SNTG1: variants seen among roughly 807,000 people sequenced by gnomAD.
SNTG1 encodes the protein syntrophin gamma 1, also known as gamma-1-syntrophin.
Under a neutral mutation model 74.7 loss-of-function variants are expected in SNTG1, and 39 were observed. The observed-to-expected ratio is 0.52, with a 90% CI of 0.40 to 0.68. The LOEUF (loss-of-function observed/expected upper bound fraction) is 0.68, where lower values mean the gene tolerates loss of function less well. Among genes scored for constraint, SNTG1 ranks in the 30% least tolerant of loss-of-function variants. The pLI, the probability that SNTG1 is intolerant of heterozygous loss-of-function variation, is 0.00. For missense variants in SNTG1, 685 were observed against 609.5 expected, an observed-to-expected ratio of 1.12 and a Z score of -1.30; for synonymous variants, 254 against 217.1, an observed-to-expected ratio of 1.17 and a Z score of -1.49.
intron 1 of SNTG1, among the ~76,000 whole-genome samples, chr8:50,032,890 A>C (rs143302862): frequency 6.6e-6 from 1 of 152,174 alleles, no homozygotes; most frequent in African/African-American, 2.4e-5. Context: ...TGGTTTCTAA[A>C]CTCACAATAA....
At chr8:49,920,128 A>G (rs1342794194) in intron 1 of SNTG1, among the ~76,000 whole-genome samples, 1 of 151,692 alleles carries the variant, frequency 6.6e-6, no homozygotes, top group East Asian at 1.9e-4. Context: ...TTTATTTTCC[A>G]TATTGTGTTC....
At chr8:50,554,609 AC>A in intron 12 of SNTG1, among the ~76,000 whole-genome samples, 1 of 151,498 alleles carries the variant, frequency 6.6e-6, no homozygotes, top group Admixed American at 6.6e-5. Context: ...CTCCCAACCC[AC>A]CCTTGCTAAT....
chr8:50,606,447 A>G (rs2094813053), intron 13 of SNTG1, among the ~76,000 whole-genome samples: 1 of 152,044 alleles, frequency 6.6e-6, no homozygotes, highest in African/African-American at 2.4e-5. Flanking sequence ...TGATTTTTAT[A>G]TTGATTTAGT....
intron 15 of SNTG1, among the ~76,000 whole-genome samples, chr8:50,696,408 A>G (rs1414371625): frequency 1.3e-5 from 2 of 151,610 alleles, no homozygotes; most frequent in South Asian, 2.1e-4. Flanking sequence ...TTTTTTTCTC[A>G]TTCTTAGGTT....
chr8:50,771,692 A>T lies in SNTG1; in HGVS notation c.1395+19581A>T, dbSNP rs144983777. 1.8e-4 allele frequency among the ~76,000 whole-genome samples: 27 copies of T among 152,190 alleles called. No individual in the cohort carries two copies. In the East Asian group the frequency reaches 5.3e-3, roughly 30 times the overall value. ...AATAATGGGGAAAATCCCTAAAGGC[A>T]TTTCAAAGATCTTTGAGGCCAGTCT... On this transcript the variant is annotated intron_variant, in intron 18 of 18. Coordinates refer to ENST00000642720, the MANE Select transcript of SNTG1 (RefSeq NM_018967.5).
intron 1 of SNTG1, among the ~76,000 whole-genome samples, chr8:50,012,121 C>G (rs947600604): frequency 6.6e-6 from 1 of 152,054 alleles, no homozygotes; most frequent in Non-Finnish European, 1.5e-5. Flanking sequence ...TTTTCACACA[C>G]ATGTTAATTT....
intron 18 of SNTG1, among the ~76,000 whole-genome samples, chr8:50,758,765 C>T (rs1376748317): frequency 2.6e-5 from 4 of 151,922 alleles, no homozygotes; most frequent in African/African-American, 7.2e-5. Flanking sequence ...CTATTGTGAA[C>T]AGTGCAGCAA....
chr8:50,551,698 AAACT>A (rs1416670454), intron 11 of SNTG1, among the ~76,000 whole-genome samples: 1 of 152,208 alleles, frequency 6.6e-6, no homozygotes, highest in East Asian at 1.9e-4. Context: ...TCACAAATTC[AAACT>A]AACTTTCTTT....
chr8:50,089,686 A>G (rs1407943179), intron 1 of SNTG1, among the ~76,000 whole-genome samples: 9 of 152,326 alleles, frequency 5.9e-5, no homozygotes, highest in Non-Finnish European at 7.3e-5. Context: ...TCAGAGAAAT[A>G]CAAATCAAAA....
chr8:50,113,827 T>A (rs551396680), intron 1 of SNTG1, among the ~76,000 whole-genome samples: 6 of 152,092 alleles, frequency 3.9e-5, no homozygotes, highest in African/African-American at 1.4e-4. Flanking sequence ...AGTTAATGGG[T>A]GCAGCACACC....
rs570525187 is a variant in SNTG1, at chr8:49,972,825, G to C, written c.-103+60594G>C. Among the ~76,000 whole-genome samples, 12 of 152,198 alleles carry C rather than the reference G, an allele frequency of 7.9e-5. No homozygotes were observed. In the East Asian group the frequency reaches 1.7e-3, roughly 22 times the overall value. On this transcript the variant is annotated intron_variant, in intron 1 of 18. Transcript: ENST00000642720. ...AGAACCACAATGAGATATCATCTCA[G>C]ACCAGTTAGAATGGTGATCATTAAA...
intron 8 of SNTG1, among the ~76,000 whole-genome samples, chr8:50,486,876 G>C (rs965129861): frequency 6.6e-6 from 1 of 152,246 alleles, no homozygotes; most frequent in South Asian, 2.1e-4. Flanking sequence ...GTTGAATTTT[G>C]TCAAAGGCCT....
chr8:50,357,949 G>C (rs927502898), intron 2 of SNTG1, among the ~76,000 whole-genome samples: 1 of 152,042 alleles, frequency 6.6e-6, no homozygotes, highest in African/African-American at 2.4e-5. Context: ...TATGTAATTA[G>C]AAGTTTTATT....
chr8:50,267,528 G>T (rs540141397), intron 2 of SNTG1, among the ~76,000 whole-genome samples: 5 of 152,190 alleles, frequency 3.3e-5, no homozygotes, highest in Non-Finnish European at 5.9e-5. Flanking sequence ...GTGAGGTTGA[G>T]AAAAAATTAG....
At chr8:50,186,354 G>T (rs2083384196) in intron 2 of SNTG1, among the ~76,000 whole-genome samples, 1 of 151,960 alleles carries the variant, frequency 6.6e-6, no homozygotes. Context: ...ATATTCCTTT[G>T]GGTATATACT....
chr8:50,551,053 C>G (rs186087649), intron 11 of SNTG1, among the ~76,000 whole-genome samples: 1 of 151,980 alleles, frequency 6.6e-6, no homozygotes, highest in Non-Finnish European at 1.5e-5. Context: ...ACCAATTATT[C>G]AGAAAATACT....
intron 1 of SNTG1, among the ~76,000 whole-genome samples, chr8:50,020,972 G>A (rs541700557): frequency 6.6e-6 from 1 of 152,056 alleles, no homozygotes. Context: ...CAATCTACAG[G>A]CCTGCTACCT....
At chr8:50,659,835 A>T (rs570873365) in intron 15 of SNTG1, among the ~76,000 whole-genome samples, 1 of 152,166 alleles carries the variant, frequency 6.6e-6, no homozygotes, top group South Asian at 2.1e-4. Context: ...AAAATGGCTA[A>T]TGAGATAGCT....
At chr8:50,344,771 A>T (rs2091423350) in intron 2 of SNTG1, among the ~76,000 whole-genome samples, 1 of 152,200 alleles carries the variant, frequency 6.6e-6, no homozygotes, top group Non-Finnish European at 1.5e-5. Flanking sequence ...TGCTGAAAGA[A>T]GCTATGAGCT....
Sources: allele counts gnomAD v4.1 joint callset (sites outside exome capture counted in the v4.1 genomes callset), GRCh38; gene constraint gnomAD v4.1.1; transcripts MANE v1.5; gene names NCBI Gene and HGNC (gene_info 2026-07-23, HGNC 2026-07-21).